TTLL3: variants seen among roughly 807,000 people sequenced by gnomAD.
The protein encoded by TTLL3 is tubulin tyrosine ligase like 3, also known as tubulin monoglycylase TTLL3.
TTLL3 carries 63 observed loss-of-function variants against 75.2 expected under a neutral mutation model. That is an observed-to-expected ratio of 0.84 (90% CI 0.68 to 1.03). The LOEUF is 1.03. TTLL3 is among the 50% of genes least tolerant of loss of function. The pLI is 0.00. For missense variants in TTLL3, 997 were observed against 1,069.9 expected (o/e 0.93, Z 0.95); for synonymous variants, 393 against 418.5 (o/e 0.94, Z 0.74).
Position 9,828,949 on chromosome 3 carries a change from C to A in TTLL3, c.1248-11C>A. 6.2e-7 allele frequency: 1 copy of A among 1,613,506 alleles called. No homozygotes were observed. The highest frequency in any genetic ancestry group is 1.1e-5 in the South Asian group (1 of 91,040). ...AGGGCCTGGACCTCAGTTTTCTGTT[C>A]TCTGCCCCAGCTCAGTGCACCTGTG... is the stretch of plus-strand genomic sequence containing the variant. On this transcript the variant is annotated splice_polypyrimidine_tract_variant and intron_variant, in intron 10 of 13. Transcript: ENST00000685419.
At position 9,810,289 on chromosome 3, in the gene TTLL3, G is replaced by A. The variant is rs1310594991; in HGVS notation, c.-147G>A. The A allele has an allele frequency of 1.3e-6, 2 of 1,500,746 alleles. No individual in the cohort carries two copies. Among genetic ancestry groups the A allele is most frequent in the South Asian group, 2.5e-5 (2 of 80,580 alleles). 93.0% of individuals were successfully genotyped at this position (1,500,746 alleles called of 1,614,324 possible). ...CCCCGCCCCTGCGCGCCGCCTCAGC[G>A]GCGCCTTCAAGACGCTGGTCCCAGG... On this transcript the variant is annotated 5_prime_UTR_variant, in exon 1 of 14. Transcript: ENST00000685419. This position sits in a 1 kb window ranked among gnomAD's most constrained non-coding sequence, Gnocchi z 4.4.
rs1193267173 is a variant in TTLL3 at position 9,810,565 on chromosome 3, C to T, written c.-41-56C>T. 9 of 1,525,054 alleles carry T rather than the reference C, an allele frequency of 5.9e-6. No homozygotes were observed. The highest frequency in any genetic ancestry group is 3.7e-5 in the South Asian group (3 of 81,098). The allele number at this position is 1,525,054 out of a possible 1,614,324, so 94.5% of individuals were successfully genotyped here. Reference sequence around the variant, plus strand: ...TGGGCGGCCAGAAAAGATCCTAGGCCGAGACCCTAGGCCCAGCCTCAGTGT... The same window carrying T: ...TGGGCGGCCAGAAAAGATCCTAGGCTGAGACCCTAGGCCCAGCCTCAGTGT... On this transcript the variant is annotated intron_variant, in intron 1 of 13. Transcript: ENST00000685419. The surrounding 1 kb of genome is among the most constrained non-coding windows in gnomAD (Gnocchi z 4.4).
intron 8 of TTLL3, among the ~76,000 whole-genome samples, chr3:9,822,062 CTTTT>C (rs1201552537): frequency 2.7e-5 from 2 of 75,382 alleles, no homozygotes; most frequent in Admixed American, 2.0e-4. Flanking sequence ...GCACGAGTCC[CTTTT>C]TTTTTTTTTT....
At chr3:9,817,554 G>A (rs1241635863) in intron 5 of TTLL3, 91 bp from the exon 6 acceptor site, 1 of 1,602,412 alleles carries the variant, frequency 6.2e-7, no homozygotes, top group Admixed American at 1.7e-5. Flanking sequence ...AAGGCTCTGA[G>A]CGCAGATCCA....
intron 7 of TTLL3, 111 bp from the exon 8 acceptor site, chr3:9,820,435 G>T: frequency 6.4e-7 from 1 of 1,551,158 alleles, no homozygotes; most frequent in Non-Finnish European, 8.7e-7. Flanking sequence ...ATCTATCTAG[G>T]TTCGTGCTGG....
At chr3:9,832,061 C>T (rs547991316) in intron 11 of TTLL3, among the ~76,000 whole-genome samples, 3 of 147,582 alleles carry the variant, frequency 2.0e-5, no homozygotes, top group African/African-American at 5.0e-5. Context: ...AGAGAGCCAC[C>T]GCGCCCGGCA....
intron 7 of TTLL3, chr3:9,819,150 T>C: frequency 1.8e-6 from 1 of 564,444 alleles, no homozygotes; most frequent in Non-Finnish European, 3.1e-6. Flanking sequence ...CACCCACCCT[T>C]CCACTCATCC....
chr3:9,820,226 G>A (rs1361104367), intron 7 of TTLL3: 9 of 1,111,418 alleles, frequency 8.1e-6, no homozygotes, highest in African/African-American at 3.2e-5. Context: ...ACTCCCAGGT[G>A]CATTTTAGGC....
upstream of TTLL3, chr3:9,809,992 C>G: frequency 9.3e-6 from 12 of 1,292,732 alleles, no homozygotes; most frequent in African/African-American, 1.5e-5. Flanking sequence ...GGAGGGCGAG[C>G]GCGGCGAGGG....
chr3:9,832,928 GCT>G (rs2081700523), intron 11 of TTLL3, among the ~76,000 whole-genome samples, 174 bp from the exon 12 acceptor site: 1 of 152,286 alleles, frequency 6.6e-6, no homozygotes, highest in African/African-American at 2.4e-5. Context: ...AATTCCTGGA[GCT>G]CTGTGACTCT....
chr3:9,818,023 T>TA (rs1575372309), intron 6 of TTLL3: 3 of 399,872 alleles, frequency 7.5e-6, no homozygotes, highest in African/African-American at 6.0e-5. Flanking sequence ...GTCAGTCCCT[T>TA]GAGTTTGGAA....
upstream of TTLL3, chr3:9,809,849 G>A: frequency 1.9e-6 from 1 of 532,076 alleles, no homozygotes; most frequent in Non-Finnish European, 2.9e-6. Flanking sequence ...CGGTCTGATG[G>A]TGCCCAGGGA....
rs193086795 is a variant in TTLL3 at position 9,818,686 on chromosome 3, T to A, written c.560-136T>A. 9.0e-4 allele frequency: 1,378 copies of A among 1,538,370 alleles called. 11 individuals carry two copies. In the East Asian group the frequency reaches 0.01, roughly 11 times the overall value. On this transcript the variant is annotated intron_variant, in intron 6 of 13. Transcript: ENST00000685419. ...ACCAGCCTGAAACAGGAGCAAGTTC[T>A]AAACTCAGGCTCTAGAGTCAGAAAA... is the stretch of plus-strand genomic sequence containing the variant.
intron 13 of TTLL3, 52 bp downstream of exon 13, chr3:9,834,959 C>T (rs771810190): frequency 6.2e-7 from 1 of 1,613,648 alleles, no homozygotes; most frequent in South Asian, 1.1e-5. Flanking sequence ...AGCACGGGGT[C>T]AGGGCTGGAG....
At chr3:9,811,228 C>T (rs2079324609) in intron 2 of TTLL3, among the ~76,000 whole-genome samples, 2 of 152,198 alleles carry the variant, frequency 1.3e-5, no homozygotes, top group South Asian at 4.1e-4. Flanking sequence ...TCCAGCCCAG[C>T]CTCGAACTCC....
chr3:9,828,629 C>G, intron 10 of TTLL3: 1 of 321,070 alleles, frequency 3.1e-6, no homozygotes, highest in Non-Finnish European at 5.9e-6. Flanking sequence ...CGCTTGAACA[C>G]GTCCTGGCGA....
In TTLL3 at chr3:9,810,364, AC is replaced by A; in HGVS notation, c.-68del. On this transcript the variant is annotated 5_prime_UTR_variant, in exon 1 of 14. Transcript: ENST00000685419. The surrounding 1 kb of genome is among the most constrained non-coding windows in gnomAD (Gnocchi z 4.4). ...TACCCACCCCCTCGGCCCCCCGCAC[AC>A]CCCGGTCCTCGACCCCTCTCCGCAG... is the stretch of plus-strand genomic sequence containing the variant. The A allele has an allele frequency of 1.5e-6, 2 of 1,327,908 alleles. No individual in the cohort carries two copies. Among genetic ancestry groups the A allele is most frequent in the Non-Finnish European group, 1.9e-6 (2 of 1,056,980 alleles). The allele number at this position is 1,327,908 out of a possible 1,614,324, so 82.3% of individuals were successfully genotyped here.
intron 8 of TTLL3, among the ~76,000 whole-genome samples, chr3:9,822,489 A>G (rs987914012): frequency 2.0e-5 from 3 of 151,984 alleles, no homozygotes; most frequent in African/African-American, 7.2e-5. Flanking sequence ...TGAATGGTTC[A>G]GTACAAATGA....
At chr3:9,828,595 G>A (rs1559745605) in intron 10 of TTLL3, 1 of 247,852 alleles carries the variant, frequency 4.0e-6, no homozygotes, top group African/African-American at 2.2e-5. Context: ...CTTCCCTAAG[G>A]TCTCACAACT....
Sources: gnomAD v4.1 joint callset for allele counts (sites outside exome capture counted in the v4.1 genomes callset) on GRCh38, gnomAD v4.1.1 for gene constraint, Gnocchi (gnomAD v3.1) non-coding constraint, MANE v1.5 for transcripts, NCBI Gene and HGNC (gene_info 2026-07-23, HGNC 2026-07-21) for gene names.